EPM2A: variants seen among roughly 807,000 people sequenced by gnomAD.
EPM2A encodes laforin.
Under a neutral mutation model 26.5 loss-of-function variants are expected in EPM2A, and 21 were observed. The observed-to-expected ratio is 0.79, with a 90% confidence interval of 0.56 to 1.14. The LOEUF is 1.14. EPM2A is among the 50% of genes most tolerant of loss of function. EPM2A has a pLI of 0.00. For missense variants in EPM2A, 458 were observed against 440.8 expected, an observed-to-expected ratio of 1.04 and a Z score of -0.35; for synonymous variants, 217 against 177.6, an observed-to-expected ratio of 1.22 and a Z score of -1.76.
chr6:145,525,533 G>A (rs1239767516), intron 2 of EPM2A, among the ~76,000 whole-genome samples: 1 of 151,774 alleles, frequency 6.6e-6, no homozygotes, highest in Non-Finnish European at 1.5e-5. Context: ...TTCATTAGAT[G>A]TACTCCTAGA....
chr6:145,620,452 AC>A (rs1372010901), downstream of EPM2A, among the ~76,000 whole-genome samples: 1 of 152,156 alleles, frequency 6.6e-6, no homozygotes, highest in East Asian at 1.9e-4. Flanking sequence ...GAACTGAGCC[AC>A]AGGGGTTGGA....
chr6:145,605,095 G>A (rs1775206394), intron 2 of EPM2A, among the ~76,000 whole-genome samples: 1 of 152,112 alleles, frequency 6.6e-6, no homozygotes, highest in African/African-American at 2.4e-5. Flanking sequence ...ATTTTGCTAG[G>A]GAAAGGTTGT....
intron 2 of EPM2A, among the ~76,000 whole-genome samples, chr6:145,585,118 T>C (rs1781174798): frequency 6.6e-6 from 1 of 152,230 alleles, no homozygotes; most frequent in Admixed American, 6.5e-5. Flanking sequence ...TGTTCTTCTC[T>C]GAGTGCTTTT....
chr6:145,436,798 G>A (rs1778994787), intron 4 of EPM2A, among the ~76,000 whole-genome samples: 1 of 151,698 alleles, frequency 6.6e-6, no homozygotes, highest in South Asian at 2.1e-4. Context: ...CAAATCTCTT[G>A]TTGAGCCTCT....
At chr6:145,555,105 A>G (rs1372323539) in intron 2 of EPM2A, among the ~76,000 whole-genome samples, 1 of 152,116 alleles carries the variant, frequency 6.6e-6, no homozygotes, top group African/African-American at 2.4e-5. Context: ...TCAGTTCTTC[A>G]TCAGTAAATG....
downstream of EPM2A, among the ~76,000 whole-genome samples, chr6:145,622,264 A>G (rs1775653881): frequency 6.6e-6 from 1 of 152,144 alleles, no homozygotes; most frequent in Admixed American, 6.5e-5. Context: ...TACTCTTTCA[A>G]TAGTTCTCTT....
chr6:145,412,435 A>G (rs747613613), intron 4 of EPM2A, among the ~76,000 whole-genome samples: 19 of 152,306 alleles, frequency 1.2e-4, no homozygotes, highest in Non-Finnish European at 2.6e-4. Context: ...ACAAAAGCTT[A>G]CTGAATTAAG....
intron 4 of EPM2A, among the ~76,000 whole-genome samples, chr6:145,390,840 C>G (rs939528128): frequency 5.9e-5 from 9 of 152,032 alleles, no homozygotes; most frequent in Admixed American, 2.0e-4. Context: ...TCTCACTAGT[C>G]CAACACCTGC....
At chr6:145,677,783 A>C (rs1487642709) in intron 2 of EPM2A, among the ~76,000 whole-genome samples, 1 of 152,238 alleles carries the variant, frequency 6.6e-6, no homozygotes, top group Non-Finnish European at 1.5e-5. Flanking sequence ...AAAAGGGGAC[A>C]CAAACAAATG....
At chr6:145,654,814 T>C (rs1778145262) in intron 2 of EPM2A, among the ~76,000 whole-genome samples, 1 of 152,232 alleles carries the variant, frequency 6.6e-6, no homozygotes, top group South Asian at 2.1e-4. Context: ...TGTATTTCAA[T>C]AAAATTGTTT....
intron 4 of EPM2A, among the ~76,000 whole-genome samples, chr6:145,488,357 T>C (rs1386323159): frequency 6.6e-6 from 1 of 152,134 alleles, no homozygotes. Context: ...GTGAAGAATG[T>C]CAATGGTAGT....
chr6:145,565,360 C>T (rs1158844904), intron 2 of EPM2A, among the ~76,000 whole-genome samples: 8 of 152,114 alleles, frequency 5.3e-5, no homozygotes, highest in South Asian at 2.1e-4. Context: ...GCAGGGTACC[C>T]GTGCAGCTGT....
intron 4 of EPM2A, among the ~76,000 whole-genome samples, chr6:145,426,283 A>G (rs1778853743): frequency 6.6e-6 from 1 of 152,160 alleles, no homozygotes; most frequent in African/African-American, 2.4e-5. Flanking sequence ...CTCCCTTTGC[A>G]TGTATAACTC....
chr6:145,684,174 G>A (rs1449197206), intron 2 of EPM2A, among the ~76,000 whole-genome samples: 3 of 151,880 alleles, frequency 2.0e-5, no homozygotes, highest in East Asian at 1.9e-4. Context: ...AAAAATAATC[G>A]ATAGTTGAAT....
At chr6:145,612,000 A>G (rs1775402479) in intron 2 of EPM2A, among the ~76,000 whole-genome samples, 1 of 152,190 alleles carries the variant, frequency 6.6e-6, no homozygotes, top group African/African-American at 2.4e-5. Flanking sequence ...CATTTTACAG[A>G]TGTGAGACAA....
chr6:145,640,520 T>C (rs1402301786), intron 2 of EPM2A: 1 of 152,052 alleles, frequency 6.6e-6, no homozygotes, highest in Non-Finnish European at 1.5e-5. Flanking sequence ...TTTCAAAAAA[T>C]AGAGAAAATC....
chr6:145,491,057 C>A, intron 4 of EPM2A: 1 of 805,928 alleles, frequency 1.2e-6, no homozygotes. Flanking sequence ...CTGCAGATGG[C>A]AATGATTCTG....
chr6:145,623,409 G>A (rs774897646), downstream of EPM2A, among the ~76,000 whole-genome samples: 17 of 152,184 alleles, frequency 1.1e-4, no homozygotes, highest in Non-Finnish European at 1.9e-4. Context: ...CATACCTGGA[G>A]TAGCAGCATT....
chr6:145,679,474 A>G (rs1291914401), intron 2 of EPM2A, among the ~76,000 whole-genome samples: 4 of 152,008 alleles, frequency 2.6e-5, no homozygotes, highest in Non-Finnish European at 5.9e-5. Context: ...CAAAATATAA[A>G]AGACAAGAAA....
Sources: gnomAD v4.1 joint callset for allele counts (sites outside exome capture counted in the v4.1 genomes callset) on GRCh38, gnomAD v4.1.1 for gene constraint, MANE v1.5 for transcripts, NCBI Gene and HGNC (gene_info 2026-07-23, HGNC 2026-07-21) for gene names.